The following SLCO4C1 variants were observed in gnomAD, a reference collection of about 807,000 sequenced individuals.
SLCO4C1 encodes solute carrier organic anion transporter family member 4C1.
A neutral mutation model predicts 72.1 loss-of-function variants in SLCO4C1; 58 were observed. The ratio of observed to expected loss-of-function variants is 0.80; its 90% CI spans 0.65 to 1.00. The LOEUF is 1.00. SLCO4C1 is among the 50% of genes least tolerant of loss of function. The pLI, the probability that SLCO4C1 is intolerant of heterozygous loss-of-function variation, is 0.00. For missense variants in SLCO4C1, 898 were observed against 857.9 expected (o/e 1.05, Z -0.58); for synonymous variants, 297 against 312.5 (o/e 0.95, Z 0.52).
chr5:102,291,132 T>C (rs910708182), intron 2 of SLCO4C1, among the ~76,000 whole-genome samples: 1 of 152,190 alleles, frequency 6.6e-6, no homozygotes. Flanking sequence ...AATTAGAGGC[T>C]TAAAAACTTG....
At chr5:102,238,266 A>G (rs1298417849) in intron 12 of SLCO4C1, among the ~76,000 whole-genome samples, 2 of 152,204 alleles carry the variant, frequency 1.3e-5, no homozygotes, top group Non-Finnish European at 2.9e-5. Context: ...AAGTACAAAC[A>G]AAATGAATTA....
At chr5:102,277,710 C>T (rs1292710598) in intron 2 of SLCO4C1, among the ~76,000 whole-genome samples, 1 of 150,990 alleles carries the variant, frequency 6.6e-6, no homozygotes, top group Non-Finnish European at 1.5e-5. Flanking sequence ...GCCTCACCCA[C>T]CCCCACCTCA....
chr5:102,270,009 C>A (rs1749119811), intron 3 of SLCO4C1, among the ~76,000 whole-genome samples: 1 of 151,962 alleles, frequency 6.6e-6, no homozygotes, highest in African/African-American at 2.4e-5. Context: ...TTAGGCTACA[C>A]TGAACATACT....
intron 2 of SLCO4C1, among the ~76,000 whole-genome samples, chr5:102,271,115 A>T (rs1453082890): frequency 2.0e-5 from 3 of 151,906 alleles, no homozygotes; most frequent in Admixed American, 2.0e-4. Flanking sequence ...ACCCCATTTA[A>T]TTTTTTTACA....
In SLCO4C1 at chr5:102,295,986, A is replaced by G. The variant is rs763469566; in HGVS notation, c.277T>C (p.Phe93Leu). 1 of 1,614,252 alleles carries G rather than the reference A, an allele frequency of 6.2e-7. No homozygotes were observed. The highest frequency in any genetic ancestry group is 8.5e-7 in the Non-Finnish European group (1 of 1,180,046). The change falls in exon 1 of 13, where the codon TTC becomes CTC. Residue 93 changes from phenylalanine to leucine, a missense_variant. Transcript: ENST00000310954. ...CAGCGCTGGAGACATTGAGGATGGA[A>G]GTTCCTCCAGCCGTAAGACCCCTCC... The part of the protein sequence containing the change: ...FEEGSYGWRN[F>L]HPQCLQRCNT...
intron 10 of SLCO4C1, among the ~76,000 whole-genome samples, chr5:102,241,658 T>C (rs1198215231): frequency 6.6e-6 from 1 of 152,230 alleles, no homozygotes; most frequent in South Asian, 2.1e-4. Flanking sequence ...TATTTTAAAA[T>C]ATTTATCCTA....
At chr5:102,249,507 C>T (rs1748696834) in intron 9 of SLCO4C1, 131 bp downstream of exon 9, 1 of 843,528 alleles carries the variant, frequency 1.2e-6, no homozygotes, top group Non-Finnish European at 1.9e-6. Context: ...CAGCTGGAGA[C>T]ATCATGGGCT....
chr5:102,250,033 A>G (rs112565073), intron 8 of SLCO4C1, among the ~76,000 whole-genome samples: 43 of 152,322 alleles, frequency 2.8e-4, no homozygotes, highest in African/African-American at 9.6e-4. Context: ...ATAAGTGAAG[A>G]AGACAAGAGT....
chr5:102,268,071 G>C (rs1388051715), intron 3 of SLCO4C1, among the ~76,000 whole-genome samples: 1 of 152,034 alleles, frequency 6.6e-6, no homozygotes. Flanking sequence ...TGTAGCTGCT[G>C]GATAAAATGT....
At chr5:102,253,875 C>T (rs1748786386) in intron 8 of SLCO4C1, among the ~76,000 whole-genome samples, 2 of 151,632 alleles carry the variant, frequency 1.3e-5, no homozygotes, top group South Asian at 4.2e-4. Context: ...TCAATCATAC[C>T]CCAAACCTCA....
chr5:102,295,393 C>G (rs1376371469), intron 1 of SLCO4C1, among the ~76,000 whole-genome samples: 2 of 152,204 alleles, frequency 1.3e-5, no homozygotes, highest in Non-Finnish European at 2.9e-5. Flanking sequence ...AATACACTCA[C>G]AAAACATGAA....
At chr5:102,289,768 T>C (rs1238879505) in intron 2 of SLCO4C1, among the ~76,000 whole-genome samples, 1 of 152,248 alleles carries the variant, frequency 6.6e-6, no homozygotes, top group African/African-American at 2.4e-5. Context: ...GCTGATAACT[T>C]ATTCTCCTTA....
chr5:102,251,916 A>C (rs564975655), intron 8 of SLCO4C1, among the ~76,000 whole-genome samples: 30 of 152,204 alleles, frequency 2.0e-4, no homozygotes, highest in Non-Finnish European at 3.4e-4. Context: ...ATTATATTTA[A>C]AAGAAAGAAG....
intron 12 of SLCO4C1, 56 bp from the exon 13 acceptor site, chr5:102,237,074 A>G: frequency 1.4e-6 from 2 of 1,464,692 alleles, no homozygotes; most frequent in Non-Finnish European, 1.8e-6. Context: ...GATAAAAATT[A>G]TCACTGAGAA....
At chr5:102,258,345 G>C (rs554690682) in intron 6 of SLCO4C1, among the ~76,000 whole-genome samples, 2 of 152,104 alleles carry the variant, frequency 1.3e-5, no homozygotes, top group Admixed American at 6.5e-5. Flanking sequence ...CATTCCAAGG[G>C]CTATGGAAAG....
intron 6 of SLCO4C1, 51 bp downstream of exon 6, chr5:102,260,148 GTGTGTGTGTGTATA>G (rs779306609): frequency 2.0e-4 from 69 of 336,758 alleles, no homozygotes; most frequent in Non-Finnish European, 3.0e-4. Flanking sequence ...TACATGTGAG[GTGTGTGTGTGTATA>G]TGTGTGTGTG....
chr5:102,278,108 A>G (rs73774612), intron 2 of SLCO4C1, among the ~76,000 whole-genome samples: 3,839 of 152,270 alleles, frequency 0.025, 164 homozygotes, highest in African/African-American at 0.088. Context: ...TGCCATCTAC[A>G]AGAAATTCAC....
In SLCO4C1 at chr5:102,257,264, G is replaced by A. The variant is rs199631886; in HGVS notation, c.1320C>T (p.Gly440=). 2.4e-5 allele frequency: 39 copies of A among 1,605,584 alleles called. No homozygotes were observed. In the East Asian group the frequency reaches 8.8e-4, roughly 36 times the overall value. Residue 440 remains glycine, a synonymous_variant, in exon 8 of 13, where the codon GGC becomes GGT. Transcript: ENST00000310954. ...PGAALGQILG[G]FLVSKFRMTC... is the part of the protein sequence containing the mutation. Reference sequence around the variant, plus strand: ...TCATTCTGAATTTTGAAACAAGGAAGCCACCTAAAATTTGACCGAGAGCAG... The same window carrying A: ...TCATTCTGAATTTTGAAACAAGGAAACCACCTAAAATTTGACCGAGAGCAG...
At chr5:102,294,941 T>C (rs1037014321) in intron 1 of SLCO4C1, among the ~76,000 whole-genome samples, 2 of 152,236 alleles carry the variant, frequency 1.3e-5, no homozygotes, top group African/African-American at 4.8e-5. Context: ...TGACTGATTA[T>C]ACAGAAAATA....
Sources: gnomAD v4.1 joint callset for allele counts (sites outside exome capture counted in the v4.1 genomes callset) on GRCh38, gnomAD v4.1.1 for gene constraint, MANE v1.5 for transcripts, NCBI Gene and HGNC (gene_info 2026-07-23, HGNC 2026-07-21) for gene names.